Variants in NOP53 observed in about 807,000 individuals in gnomAD.
NOP53 encodes NOP53 ribosome biogenesis factor.
NOP53 carries 40 observed loss-of-function variants against 61.0 expected under a neutral mutation model. The observed-to-expected ratio is 0.66, with a 90% CI of 0.51 to 0.85. The LOEUF (loss-of-function observed/expected upper bound fraction) is 0.85. NOP53 is among the 40% of genes least tolerant of loss of function. The probability of loss-of-function intolerance (pLI) is 0.00; values close to 1 mark genes in which losing one functional copy is unlikely to be tolerated. For missense variants in NOP53, 689 were observed against 652.9 expected, an observed-to-expected ratio of 1.06 and a Z score of -0.60; for synonymous variants, 308 against 289.5, an observed-to-expected ratio of 1.06 and a Z score of -0.65.
chr19:47,751,447 G>A, intron 4 of NOP53, 73 bp from the exon 5 acceptor site: 4 of 1,143,282 alleles, frequency 3.5e-6, no homozygotes, highest in Non-Finnish European at 5.3e-6. Flanking sequence ...AAATGTGGAG[G>A]GATTGGGGGG....
At chr19:47,752,789 G>A (rs753229300) in intron 6 of NOP53, 182 bp downstream of exon 6, 14 of 545,866 alleles carry the variant, frequency 2.6e-5, no homozygotes, top group Non-Finnish European at 3.9e-5. Context: ...AGTGGTTGGG[G>A]CTGGGAGCCC....
intron 4 of NOP53, 84 bp downstream of exon 4, chr19:47,751,191 G>T: frequency 7.9e-7 from 1 of 1,273,370 alleles, no homozygotes; most frequent in East Asian, 2.5e-5. Flanking sequence ...CGAGAGTACA[G>T]TGTGAAAGGG....
At position 47,756,656 on chromosome 19, in the gene NOP53, G is replaced by A. The variant is rs753875557; in HGVS notation, c.1374-32G>A. 4.2e-5 allele frequency: 68 copies of A among 1,613,420 alleles called. 1 individual carries two copies. Among genetic ancestry groups the A allele is most frequent in the Middle Eastern group, 1.6e-4 (1 of 6,082 alleles). ...GGCGAGGGCATCTGGGATTGGCCCC[G>A]GGCACTGATTGCTCCATTGTCCCTG... On this transcript the variant is annotated intron_variant, in intron 11 of 12. Coordinates refer to ENST00000246802, the MANE Select transcript of NOP53 (RefSeq NM_015710.5).
At chr19:47,753,901 C>G (rs1051246744) in intron 6 of NOP53, 13 of 152,358 alleles carry the variant, frequency 8.5e-5, no homozygotes, top group African/African-American at 3.1e-4. Flanking sequence ...TCAGCCATCA[C>G]CCCCGCAATT....
At chr19:47,746,810 C>G (rs1967070146) in intron 1 of NOP53, 157 bp from the exon 2 acceptor site, 1 of 609,678 alleles carries the variant, frequency 1.6e-6, no homozygotes, top group Non-Finnish European at 2.9e-6. Context: ...GCAGTCCTTC[C>G]TAAATACTAA....
rs921097936 is a variant in NOP53 at position 47,745,788 on chromosome 19, G to A, written c.224+5G>A. 9.8e-6 allele frequency: 15 copies of A among 1,528,366 alleles called. No homozygotes were observed. Among genetic ancestry groups the A allele is most frequent in the Non-Finnish European group, 1.2e-5 (14 of 1,138,718 alleles). 94.7% of individuals were successfully genotyped at this position (1,528,366 alleles called of 1,614,324 possible). A position where few individuals can be genotyped will look rare whatever the true frequency, so the allele number is the denominator to read the frequency against. ...GCTACAGGAGCGCACGAGCGGGTAC[G>A]TTGGGCGGGACTTCCGGGAGGTGGG... On this transcript the variant is annotated splice_donor_5th_base_variant and intron_variant, in intron 1 of 12. Transcript: ENST00000246802.
intron 6 of NOP53, chr19:47,752,816 C>T (rs1051558254): frequency 9.2e-6 from 5 of 541,732 alleles, no homozygotes; most frequent in Non-Finnish European, 1.3e-5. Context: ...GGCACCTGGC[C>T]CAGCCTGGGG....
At position 47,750,824 on chromosome 19, in the gene NOP53, G is replaced by C. The variant is rs1468056554; in HGVS notation, c.399-84G>C. ...GGGTGCTGAAGCTGCCTTAATGGTGGAGGAAGCCCGACGGGGAGGAGGCCC... is the reference window on the plus strand; with the variant it reads ...GGGTGCTGAAGCTGCCTTAATGGTGCAGGAAGCCCGACGGGGAGGAGGCCC... On this transcript the variant is annotated intron_variant, in intron 3 of 12. Coordinates refer to ENST00000246802, the MANE Select transcript of NOP53 (RefSeq NM_015710.5). 1.0e-5 allele frequency: 12 copies of C among 1,173,310 alleles called. No individual in the cohort carries two copies. The Admixed American group carries it at 2.2e-4, about 22-fold the overall frequency. 72.7% of individuals were successfully genotyped at this position (1,173,310 alleles called of 1,614,324 possible).
chr19:47,753,352 A>T (rs1404277253), intron 6 of NOP53: 2 of 152,628 alleles, frequency 1.3e-5, no homozygotes, highest in African/African-American at 4.8e-5. Flanking sequence ...CTGAGGTGGG[A>T]GGATTGCTTG....
chr19:47,751,747 C>G (rs555312248), intron 5 of NOP53, among the ~76,000 whole-genome samples, 157 bp downstream of exon 5: 1 of 152,204 alleles, frequency 6.6e-6, no homozygotes, highest in South Asian at 2.1e-4. Flanking sequence ...TGTCCCAGCT[C>G]CAGTGCTGAC....
intron 2 of NOP53, among the ~76,000 whole-genome samples, chr19:47,748,158 C>T (rs1467884351): frequency 2.0e-5 from 3 of 151,990 alleles, no homozygotes; most frequent in Non-Finnish European, 4.4e-5. Context: ...CTCCTGACCT[C>T]AGGTGATCCA....
intron 12 of NOP53, 79 bp downstream of exon 12, chr19:47,756,823 C>T: frequency 1.3e-6 from 2 of 1,527,290 alleles, no homozygotes; most frequent in South Asian, 1.1e-5. Context: ...AGGGCCCCTT[C>T]CAGAGTGTGG....
At chr19:47,750,087 G>A in intron 2 of NOP53, 91 bp from the exon 3 acceptor site, 1 of 785,276 alleles carries the variant, frequency 1.3e-6, no homozygotes, top group Non-Finnish European at 2.2e-6. Context: ...TGGGATTCAG[G>A]TCTGATGGCT....
At chr19:47,752,379 C>T (rs370490902) in intron 5 of NOP53, 133 bp from the exon 6 acceptor site, 108 of 624,608 alleles carry the variant, frequency 1.7e-4, no homozygotes, top group East Asian at 1.4e-3. Context: ...GCTCTGGAGT[C>T]ACCTGAATGC....
chr19:47,747,591 G>C (rs1231360695), intron 2 of NOP53, among the ~76,000 whole-genome samples: 2 of 151,380 alleles, frequency 1.3e-5, no homozygotes, highest in African/African-American at 4.9e-5. Context: ...GCAGTGAGCC[G>C]AGATCGCGCC....
chr19:47,748,915 A>G (rs1319672445), intron 2 of NOP53, among the ~76,000 whole-genome samples: 2 of 151,442 alleles, frequency 1.3e-5, no homozygotes, highest in African/African-American at 4.9e-5. Flanking sequence ...TAATCCCAGC[A>G]CTTTGGGAGG....
chr19:47,755,692 C>G, intron 9 of NOP53, 64 bp from the exon 10 acceptor site: 1 of 1,468,870 alleles, frequency 6.8e-7, no homozygotes, highest in Middle Eastern at 2.4e-4. Flanking sequence ...CAGGAGGGGG[C>G]TTTGGACTGG....
At chr19:47,750,875 C>T (rs1475575200) in intron 3 of NOP53, 33 bp from the exon 4 acceptor site, 33 of 1,546,694 alleles carry the variant, frequency 2.1e-5, no homozygotes, top group Non-Finnish European at 2.7e-5. Flanking sequence ...TGCCACCTCA[C>T]CTGCTGCACT....
intron 10 of NOP53, chr19:47,756,036 C>A: frequency 1.7e-6 from 1 of 586,136 alleles, no homozygotes; most frequent in Non-Finnish European, 3.1e-6. Context: ...GAAGGCCTTT[C>A]CTTCCAGCTG....
Sources: gnomAD v4.1 joint callset for allele counts (sites outside exome capture counted in the v4.1 genomes callset) on GRCh38, gnomAD v4.1.1 for gene constraint, MANE v1.5 for transcripts, NCBI Gene and HGNC (gene_info 2026-07-23, HGNC 2026-07-21) for gene names.